Variants in AMZ1 observed in about 807,000 individuals in gnomAD.
AMZ1 encodes archaelysin family metallopeptidase 1, also known as archaemetzincin-1.
AMZ1 carries 39 observed loss-of-function variants against 29.9 expected under a neutral mutation model. The observed-to-expected ratio is 1.30, with a 90% CI of 1.01 to 1.70. The LOEUF is 1.70. Among genes scored for constraint, AMZ1 ranks in the 40% most tolerant of loss-of-function variants. AMZ1 has a pLI of 0.00. For missense variants in AMZ1, 1,041 were observed against 680.6 expected, an observed-to-expected ratio of 1.53 and a Z score of -5.89; for synonymous variants, 458 against 304.0, an observed-to-expected ratio of 1.51 and a Z score of -5.27.
At chr7:2,764,218 A>G (rs1791706198), upstream of AMZ1, among the ~76,000 whole-genome samples, 1 of 150,184 alleles carries the variant, frequency 6.7e-6, no homozygotes, top group Non-Finnish European at 1.5e-5. Context: ...GACCACGGGC[A>G]CGTGCCACCT....
rs377355029 is a variant in AMZ1 at position 2,731,149 on chromosome 7, C to T, written n.550+21333C>T. On this transcript the variant is annotated intron_variant and non_coding_transcript_variant, in intron 4 of 4. Transcript: ENST00000489665. This position sits in a 1 kb window ranked among gnomAD's most constrained non-coding sequence, Gnocchi z 6.0. Reference sequence around the variant, plus strand: ...GTCTGACCGACAGCCGTGGGGGCTGCTCAACGACGACAAACCCCGGGGCTT... The same window carrying T: ...GTCTGACCGACAGCCGTGGGGGCTGTTCAACGACGACAAACCCCGGGGCTT... 4.4e-4 allele frequency: 655 copies of T among 1,495,900 alleles called. 4 individuals are homozygous for T. Among genetic ancestry groups the T allele is most frequent in the Middle Eastern group, 2.3e-3 (13 of 5,730 alleles). The allele number at this position is 1,495,900 out of a possible 1,614,324, so 92.7% of individuals were successfully genotyped here.
At chr7:2,705,589 T>C (rs906215934) in intron 3 of AMZ1, among the ~76,000 whole-genome samples, 1 of 152,216 alleles carries the variant, frequency 6.6e-6, no homozygotes, top group Non-Finnish European at 1.5e-5. Context: ...TCACTCTGCC[T>C]GTCTGGCCAT....
At chr7:2,742,108 GCCTCC>G (rs1443957041) in intron 4 of AMZ1, among the ~76,000 whole-genome samples, 1 of 151,718 alleles carries the variant, frequency 6.6e-6, no homozygotes, top group Non-Finnish European at 1.5e-5. Context: ...TGCAGCCTCC[GCCTCC>G]CAGGTTCAAG....
Position 2,718,574 on chromosome 7 carries a change from C to T in AMZ1, c.*5696C>T, listed in dbSNP as rs980269815. On this transcript the variant is annotated 3_prime_UTR_variant, in exon 7 of 7. Transcript: ENST00000683327. ...GGACGAAGGTGATGAGCGCGGCTGA[C>T]GGCTCCCGGGGGCAGTGTGGGGTCC... is the stretch of plus-strand genomic sequence containing the variant. 3.9e-5 allele frequency among the ~76,000 whole-genome samples: 6 copies of T among 152,240 alleles called. No homozygotes were observed. The highest frequency in any genetic ancestry group is 1.2e-4 in the African/African-American group (5 of 41,472).
At chr7:2,757,111 C>T (rs1029741084) in intron 4 of AMZ1, among the ~76,000 whole-genome samples, 4 of 147,208 alleles carry the variant, frequency 2.7e-5, no homozygotes, top group African/African-American at 7.5e-5. Context: ...TTGGCAGGCC[C>T]GATCTAATCA....
At chr7:2,725,166 A>G (rs890526142) in intron 4 of AMZ1, among the ~76,000 whole-genome samples, 2 of 152,232 alleles carry the variant, frequency 1.3e-5, no homozygotes, top group African/African-American at 2.4e-5. Flanking sequence ...CTTATCTGCC[A>G]GGGACTAGTT....
chr7:2,694,265 G>T lies in AMZ1; in HGVS notation c.-219+5969G>T, dbSNP rs149147870. 2.7e-3 allele frequency among the ~76,000 whole-genome samples: 411 copies of T among 152,238 alleles called. 2 individuals are homozygous for T. Among genetic ancestry groups the T allele is most frequent in the African/African-American group, 9.2e-3 (384 of 41,544 alleles). On this transcript the variant is annotated intron_variant, in intron 1 of 6. Coordinates refer to ENST00000683327, the MANE Select transcript of AMZ1 (RefSeq NM_001384743.1). ...GAGTTCACCCCTCATTTCCTGCCTC[G>T]CCGCTGGAGCTGGGACATGTCATCC...
In AMZ1 at chr7:2,713,407, A is replaced by C. The variant is rs553188579; in HGVS notation, c.*529A>C. On this transcript the variant is annotated 3_prime_UTR_variant, in exon 7 of 7. Coordinates refer to ENST00000683327, the MANE Select transcript of AMZ1 (RefSeq NM_001384743.1). Reference sequence around the variant, plus strand: ...CAAGCCGGACTGTGCTGAGGTTGGGACAGAGCCCCCTCCCCTGCAGAGGCA... The same window carrying C: ...CAAGCCGGACTGTGCTGAGGTTGGGCCAGAGCCCCCTCCCCTGCAGAGGCA... 2.0e-5 allele frequency: 3 copies of C among 152,488 alleles called. No individual in the cohort carries two copies. Among genetic ancestry groups the C allele is most frequent in the Non-Finnish European group, 4.4e-5 (3 of 68,204 alleles). The allele number at this position is 152,488 out of a possible 1,614,324, so 9.4% of individuals were successfully genotyped here. A position where few individuals can be genotyped will look rare whatever the true frequency, so the allele number is the denominator to read the frequency against.
rs750981909 is a variant in AMZ1, at chr7:2,717,938, C to T, written c.*5060C>T. ...CTTCCCCGCTGCAGTGTTCCCGTGA[C>T]GATGAGGCAAATCCAAATAGTCACC... On this transcript the variant is annotated 3_prime_UTR_variant, in exon 7 of 7. Coordinates refer to ENST00000683327, the MANE Select transcript of AMZ1 (RefSeq NM_001384743.1). Among the ~76,000 whole-genome samples, 3 of 152,206 alleles carry T rather than the reference C, an allele frequency of 2.0e-5. No homozygotes were observed. Among genetic ancestry groups the T allele is most frequent in the East Asian group, 3.8e-4 (2 of 5,196 alleles).
downstream of AMZ1, among the ~76,000 whole-genome samples, chr7:2,722,091 C>A (rs140273266): frequency 1.3e-5 from 2 of 152,134 alleles, no homozygotes; most frequent in South Asian, 4.1e-4. Context: ...AGAAGGCCGT[C>A]CAACTGGTCC....
At chr7:2,694,798 G>A (rs1030509712) in intron 1 of AMZ1, among the ~76,000 whole-genome samples, 7 of 151,668 alleles carry the variant, frequency 4.6e-5, no homozygotes, top group African/African-American at 1.5e-4. Flanking sequence ...TCAGCCTCCC[G>A]AGTAGCTGGG....
rs1414975774 is a variant in AMZ1, at chr7:2,731,362, T to C, written n.550+21546T>C. ...GTAGCGCTGGACGTCCTCCAGCCTGTGCGGGTCGCCCCTGAAGTCCGGGAA... is the reference window on the plus strand; with the variant it reads ...GTAGCGCTGGACGTCCTCCAGCCTGCGCGGGTCGCCCCTGAAGTCCGGGAA... On this transcript the variant is annotated intron_variant and non_coding_transcript_variant, in intron 4 of 4. Coordinates refer to the AMZ1 transcript ENST00000489665. The surrounding 1 kb of genome is among the most constrained non-coding windows in gnomAD (Gnocchi z 6.0). 1.9e-6 allele frequency: 3 copies of C among 1,613,946 alleles called. No homozygotes were observed. The highest frequency in any genetic ancestry group is 2.5e-6 in the Non-Finnish European group (3 of 1,179,948).
At chr7:2,739,238 C>T (rs183025440) in intron 4 of AMZ1, among the ~76,000 whole-genome samples, 1 of 152,338 alleles carries the variant, frequency 6.6e-6, no homozygotes, top group East Asian at 1.9e-4. Context: ...TTACTACCTT[C>T]AAAATGTTGT....
chr7:2,758,693 C>G (rs1791415673), intron 4 of AMZ1, among the ~76,000 whole-genome samples: 1 of 152,192 alleles, frequency 6.6e-6, no homozygotes, highest in African/African-American at 2.4e-5. Flanking sequence ...GAGGTTGGTG[C>G]CTGTGTAGCA....
At chr7:2,738,222 C>T (rs1790307154) in intron 4 of AMZ1, among the ~76,000 whole-genome samples, 1 of 151,972 alleles carries the variant, frequency 6.6e-6, no homozygotes, top group South Asian at 2.1e-4. Context: ...CGAGACAAGC[C>T]TGGCCAACAT....
chr7:2,700,601 G>A lies in AMZ1; in HGVS notation c.150G>A (p.Pro50=), dbSNP rs774728197. The change falls in exon 2 of 7, where the codon CCG becomes CCA. Residue 50 remains proline (P), a synonymous_variant. Coordinates refer to ENST00000683327, the MANE Select transcript of AMZ1 (RefSeq NM_001384743.1). ...ERLFLAEAYN[P]QRTLFCTLLI... ...TCTTCCTGGCCGAGGCCTACAACCC[G>A]CAGAGGACGCTCTTCTGCACCCTGC... The A allele has an allele frequency of 8.7e-6, 14 of 1,610,336 alleles. No individual in the cohort carries two copies. The highest frequency in any genetic ancestry group is 2.2e-5 in the East Asian group (1 of 44,874).
At chr7:2,699,539 C>A (rs188592062) in intron 1 of AMZ1, among the ~76,000 whole-genome samples, 12 of 152,034 alleles carry the variant, frequency 7.9e-5, no homozygotes, top group East Asian at 1.9e-4. Context: ...CCGCCCCCCC[C>A]CAAACATATG....
At chr7:2,687,723 C>G (rs1787138061), upstream of AMZ1, among the ~76,000 whole-genome samples, 1 of 151,938 alleles carries the variant, frequency 6.6e-6, no homozygotes, top group Non-Finnish European at 1.5e-5. Flanking sequence ...GCTGATAAGC[C>G]TGGTTCACCT....
chr7:2,693,300 C>G (rs1019597885), intron 1 of AMZ1, among the ~76,000 whole-genome samples: 1 of 151,994 alleles, frequency 6.6e-6, no homozygotes, highest in African/African-American at 2.4e-5. Flanking sequence ...GTTGGTCAGG[C>G]TGGTCTTGAA....
Sources: allele counts gnomAD v4.1 joint callset (sites outside exome capture counted in the v4.1 genomes callset), GRCh38; gene constraint gnomAD v4.1.1; non-coding constraint Gnocchi (gnomAD v3.1); transcripts MANE v1.5; gene names NCBI Gene and HGNC (gene_info 2026-07-23, HGNC 2026-07-21).